CPVL: variants seen among roughly 807,000 people sequenced by gnomAD.
The protein encoded by CPVL is probable serine carboxypeptidase CPVL.
A neutral mutation model predicts 63.7 loss-of-function variants in CPVL; 51 were observed. The observed-to-expected ratio is 0.80, with a 90% CI of 0.64 to 1.01. The LOEUF (loss-of-function observed/expected upper bound fraction) is 1.01. Among genes scored for constraint, CPVL ranks in the 50% least tolerant of loss-of-function variants. CPVL has a pLI of 0.00. For missense variants in CPVL, 530 were observed against 573.1 expected, an observed-to-expected ratio of 0.92 and a Z score of 0.77; for synonymous variants, 195 against 206.0, an observed-to-expected ratio of 0.95 and a Z score of 0.46.
intron 12 of CPVL, among the ~76,000 whole-genome samples, chr7:29,001,544 G>T (rs1784637224): frequency 6.6e-6 from 1 of 152,122 alleles, no homozygotes; most frequent in Admixed American, 6.5e-5. Context: ...ACAAGCCAAA[G>T]CTTGTTAGCA....
At chr7:29,062,804 C>T (rs1018046500) in intron 11 of CPVL, among the ~76,000 whole-genome samples, 2 of 152,260 alleles carry the variant, frequency 1.3e-5, no homozygotes, top group Non-Finnish European at 2.9e-5. Flanking sequence ...TCTGAAAGAT[C>T]GAAATAAAGT....
rs144420173 is a variant in CPVL, at chr7:29,097,966, G to T, written c.289-1749C>A. On this transcript the variant is annotated intron_variant, in intron 3 of 12. Coordinates refer to ENST00000265394, the MANE Select transcript of CPVL (RefSeq NM_031311.5). ...GCACAGTCGCCAGGCGAATCCCCCAGAACCACCTGAAAAAGCTCTACTTGG... is the reference window on the plus strand; with the variant it reads ...GCACAGTCGCCAGGCGAATCCCCCATAACCACCTGAAAAAGCTCTACTTGG... 3.3e-3 allele frequency among the ~76,000 whole-genome samples: 497 copies of T among 152,220 alleles called. 3 individuals carry two copies. The highest frequency in any genetic ancestry group is 0.011 in the African/African-American group (450 of 41,538).
At chr7:29,151,161 C>T (rs1290822623), upstream of CPVL, among the ~76,000 whole-genome samples, 1 of 152,178 alleles carries the variant, frequency 6.6e-6, no homozygotes, top group Non-Finnish European at 1.5e-5. Flanking sequence ...TAAGACTAGC[C>T]ACAGGCTACA....
At chr7:29,026,686 A>G (rs181615927) in intron 12 of CPVL, among the ~76,000 whole-genome samples, 50 of 152,280 alleles carry the variant, frequency 3.3e-4, no homozygotes, top group African/African-American at 1.2e-3. Flanking sequence ...CACAAATACG[A>G]AGGATCATCA....
At chr7:29,009,187 T>TAAAAAAAAA (rs3042205) in intron 12 of CPVL, 4 of 105,192 alleles carry the variant, frequency 3.8e-5, no homozygotes, top group Admixed American at 2.2e-4. Flanking sequence ...TTGATGGCAT[T>TAAAAAAAAA]AAAAAAAAAA....
At chr7:29,068,456 C>A (rs1292241782) in intron 9 of CPVL, among the ~76,000 whole-genome samples, 1 of 152,134 alleles carries the variant, frequency 6.6e-6, no homozygotes, top group Non-Finnish European at 1.5e-5. Context: ...ACCAATGCTA[C>A]CATTGCTCAG....
chr7:29,165,959 T>G (rs1260223530), intron 5 of CPVL, among the ~76,000 whole-genome samples: 1 of 152,204 alleles, frequency 6.6e-6, no homozygotes, highest in Non-Finnish European at 1.5e-5. Context: ...GTAGATTTTC[T>G]TTTCTTGTAA....
intron 3 of CPVL, among the ~76,000 whole-genome samples, chr7:29,096,789 G>A (rs1402980207): frequency 3.3e-5 from 5 of 152,016 alleles, no homozygotes; most frequent in Non-Finnish European, 7.4e-5. Flanking sequence ...TTCAAGACCA[G>A]CCTGGCCAAC....
intron 12 of CPVL, among the ~76,000 whole-genome samples, chr7:29,022,691 G>A (rs1787124696): frequency 6.6e-6 from 1 of 152,210 alleles, no homozygotes; most frequent in African/African-American, 2.4e-5. Context: ...GATCAGCCCT[G>A]CCTGCCACAG....
intron 11 of CPVL, 107 bp from the exon 12 acceptor site, chr7:29,030,866 T>A: frequency 1.1e-6 from 1 of 926,874 alleles, no homozygotes; most frequent in Non-Finnish European, 1.6e-6. Flanking sequence ...GAGACATGAA[T>A]CTCTCTGAGA....
chr7:29,136,845 G>T (rs115348563), intron 1 of CPVL, among the ~76,000 whole-genome samples: 3,569 of 152,198 alleles, frequency 0.023, 141 homozygotes, highest in African/African-American at 0.082. Context: ...ATCAACTCAA[G>T]TACTAAAGCC....
chr7:29,002,273 T>C (rs575381835), intron 12 of CPVL, among the ~76,000 whole-genome samples: 1 of 152,306 alleles, frequency 6.6e-6, no homozygotes, highest in African/African-American at 2.4e-5. Context: ...CACTGCAGGC[T>C]TTCCATCAGA....
intron 9 of CPVL, among the ~76,000 whole-genome samples, chr7:29,070,916 C>G (rs1422046893): frequency 6.6e-6 from 1 of 152,186 alleles, no homozygotes; most frequent in Non-Finnish European, 1.5e-5. Context: ...CAGATTTCTG[C>G]TTTAATAACA....
At chr7:29,051,196 G>C (rs1790121787) in intron 11 of CPVL, among the ~76,000 whole-genome samples, 1 of 152,146 alleles carries the variant, frequency 6.6e-6, no homozygotes, top group South Asian at 2.1e-4. Flanking sequence ...GCTTAGGCAA[G>C]ATTTAGTGAC....
chr7:29,164,842 G>A (rs1795704067), intron 5 of CPVL, among the ~76,000 whole-genome samples: 1 of 151,188 alleles, frequency 6.6e-6, no homozygotes, highest in Admixed American at 6.6e-5. Context: ...CTTTGAAAGA[G>A]GTCAACTGAT....
chr7:29,037,428 C>T (rs1788639776), intron 11 of CPVL, among the ~76,000 whole-genome samples: 1 of 151,354 alleles, frequency 6.6e-6, no homozygotes, highest in Non-Finnish European at 1.5e-5. Flanking sequence ...TGGTGGGCGC[C>T]TGTAGTCCCA....
chr7:29,093,377 CAAA>C (rs371165878), intron 5 of CPVL, among the ~76,000 whole-genome samples: 1 of 70,024 alleles, frequency 1.4e-5, no homozygotes, highest in Non-Finnish European at 2.6e-5. Context: ...ACTCCGTCTC[CAAA>C]AAAAAAAAAA....
intron 12 of CPVL, among the ~76,000 whole-genome samples, chr7:29,003,179 CACACACACAGAG>C (rs111449064): frequency 0.19 from 26,127 of 135,364 alleles, 2,356 homozygotes; most frequent in Admixed American, 0.25. Context: ...CACACACACA[CACACACACAGAG>C]AGAATAGCAT....
intron 1 of CPVL, among the ~76,000 whole-genome samples, chr7:29,132,031 C>T (rs933212023): frequency 6.6e-6 from 1 of 152,102 alleles, no homozygotes; most frequent in African/African-American, 2.4e-5. Flanking sequence ...GAGAGATAGG[C>T]GAGAGCTTTT....
Sources: gnomAD v4.1 joint callset for allele counts (sites outside exome capture counted in the v4.1 genomes callset) on GRCh38, gnomAD v4.1.1 for gene constraint, MANE v1.5 for transcripts, NCBI Gene and HGNC (gene_info 2026-07-23, HGNC 2026-07-21) for gene names.